Variants in SGCD observed in about 807,000 individuals in gnomAD.
SGCD encodes the protein delta-sarcoglycan.
SGCD carries 18 observed loss-of-function variants against 36.6 expected under a neutral mutation model. The observed-to-expected ratio is 0.49, with a 90% CI of 0.34 to 0.73. The LOEUF (loss-of-function observed/expected upper bound fraction) is 0.73, where lower values mean the gene tolerates loss of function less well. Among genes scored for constraint, SGCD ranks in the 30% least tolerant of loss-of-function variants. The pLI is 0.01. For missense variants in SGCD, 387 were observed against 346.7 expected, an observed-to-expected ratio of 1.12 and a Z score of -0.92; for synonymous variants, 133 against 130.6, an observed-to-expected ratio of 1.02 and a Z score of -0.12.
chr5:156,597,014 G>A (rs1760953574), intron 6 of SGCD, among the ~76,000 whole-genome samples: 1 of 152,094 alleles, frequency 6.6e-6, no homozygotes, highest in South Asian at 2.1e-4. Context: ...GGGGCTTAAT[G>A]GAGGCAAAAA....
At chr5:156,506,983 A>G (rs142339800) in intron 3 of SGCD, among the ~76,000 whole-genome samples, 2 of 152,328 alleles carry the variant, frequency 1.3e-5, no homozygotes, top group East Asian at 1.9e-4. Context: ...GGCAAAGACT[A>G]CATTGGCTGA....
At chr5:156,263,850 T>A (rs550584418) in intron 3 of SGCD, among the ~76,000 whole-genome samples, 2 of 152,264 alleles carry the variant, frequency 1.3e-5, no homozygotes, top group African/African-American at 4.8e-5. Flanking sequence ...GAGTAGGATG[T>A]CCTTTTTCCA....
chr5:156,377,138 T>C (rs1467901418), intron 3 of SGCD, among the ~76,000 whole-genome samples: 5 of 152,202 alleles, frequency 3.3e-5, no homozygotes, highest in African/African-American at 1.2e-4. Flanking sequence ...ATGAGGATAA[T>C]GAACTTAATA....
the SGCD span, among the ~76,000 whole-genome samples, chr5:155,819,742 A>G: frequency 1.3e-5 from 2 of 152,144 alleles, no homozygotes; most frequent in South Asian, 4.1e-4. Context: ...CCGGAGAGAA[A>G]CATCTGTAGA....
chr5:155,856,626 A>C, the SGCD span, among the ~76,000 whole-genome samples: 1 of 152,204 alleles, frequency 6.6e-6, no homozygotes, highest in Non-Finnish European at 1.5e-5. Flanking sequence ...TTTATAGAAT[A>C]TATAAAAATT....
At chr5:155,984,912 G>A (rs1415113462) in intron 1 of SGCD, among the ~76,000 whole-genome samples, 1 of 152,186 alleles carries the variant, frequency 6.6e-6, no homozygotes, top group East Asian at 1.9e-4. Flanking sequence ...AAACACACAG[G>A]AGCAGATCCT....
intron 3 of SGCD, among the ~76,000 whole-genome samples, chr5:156,478,622 C>T (rs188184217): frequency 4.6e-5 from 7 of 152,170 alleles, no homozygotes; most frequent in African/African-American, 1.7e-4. Context: ...GCTGTGTCTC[C>T]CAGGCTGGAG....
chr5:156,646,169 T>C (rs1763217190), intron 6 of SGCD, among the ~76,000 whole-genome samples: 1 of 152,026 alleles, frequency 6.6e-6, no homozygotes, highest in Non-Finnish European at 1.5e-5. Flanking sequence ...AATCAAAGGG[T>C]ATTTGGTTGG....
rs138217592 is a variant in SGCD, at chr5:156,379,527, T to C, written c.192+34850T>C. 1.7e-3 allele frequency among the ~76,000 whole-genome samples: 259 copies of C among 152,216 alleles called. 1 individual carries two copies. Among genetic ancestry groups the C allele is most frequent in the Middle Eastern group, 6.8e-3 (2 of 294 alleles). Reference sequence around the variant, plus strand: ...GAGTAGTAGGGACTAGATCATGGAGTGTCTGTAAATCAGAACAAGTTTGGA... The same window carrying C: ...GAGTAGTAGGGACTAGATCATGGAGCGTCTGTAAATCAGAACAAGTTTGGA... On this transcript the variant is annotated intron_variant, in intron 3 of 8. Transcript: ENST00000337851.
the SGCD span, among the ~76,000 whole-genome samples, chr5:155,786,122 A>G: frequency 6.6e-6 from 1 of 152,158 alleles, no homozygotes; most frequent in Non-Finnish European, 1.5e-5. Flanking sequence ...GCTTTTTGGA[A>G]CAAAATTCAG....
At chr5:156,350,387 C>T (rs1001513473) in intron 3 of SGCD, among the ~76,000 whole-genome samples, 10 of 151,432 alleles carry the variant, frequency 6.6e-5, no homozygotes, top group African/African-American at 2.2e-4. Context: ...TGTGTAATGA[C>T]GAACTATAAG....
intron 4 of SGCD, among the ~76,000 whole-genome samples, chr5:156,530,256 T>C (rs1023079223): frequency 2.0e-5 from 3 of 152,036 alleles, no homozygotes; most frequent in Non-Finnish European, 4.4e-5. Context: ...GTTTTAGCCC[T>C]CAGTTAAAGC....
chr5:156,179,921 G>C (rs2127626403), intron 3 of SGCD, among the ~76,000 whole-genome samples: 1 of 152,076 alleles, frequency 6.6e-6, no homozygotes, highest in Non-Finnish European at 1.5e-5. Context: ...ACAGCACCTG[G>C]ACCCAACTTT....
At chr5:156,164,040 A>AG (rs1763154488) in intron 3 of SGCD, among the ~76,000 whole-genome samples, 1 of 150,880 alleles carries the variant, frequency 6.6e-6, no homozygotes, top group South Asian at 2.1e-4. Context: ...AAAAAAAAAA[A>AG]AGAAATCATT....
upstream of SGCD, among the ~76,000 whole-genome samples, chr5:155,868,932 G>A (rs1170792267): frequency 6.6e-6 from 1 of 152,164 alleles, no homozygotes; most frequent in African/African-American, 2.4e-5. Flanking sequence ...AATTATTATA[G>A]AGACTATTAT....
chr5:156,723,225 G>T (rs1389101165), intron 7 of SGCD, among the ~76,000 whole-genome samples: 1 of 152,164 alleles, frequency 6.6e-6, no homozygotes, highest in South Asian at 2.1e-4. Flanking sequence ...GTAAAATGAG[G>T]GAGAGTTGCT....
At chr5:156,607,754 T>C (rs1386114771) in intron 6 of SGCD, among the ~76,000 whole-genome samples, 10 of 152,236 alleles carry the variant, frequency 6.6e-5, no homozygotes, top group Non-Finnish European at 1.0e-4. Flanking sequence ...AGATTCAACT[T>C]CTTCCTGGTT....
the SGCD span, among the ~76,000 whole-genome samples, chr5:155,793,135 A>G: frequency 1.3e-5 from 2 of 152,210 alleles, no homozygotes; most frequent in Non-Finnish European, 2.9e-5. Context: ...CCATTATCCT[A>G]AGGAAATTAA....
At chr5:156,199,410 T>C (rs536093778) in intron 3 of SGCD, among the ~76,000 whole-genome samples, 2 of 151,984 alleles carry the variant, frequency 1.3e-5, no homozygotes, top group East Asian at 1.9e-4. Flanking sequence ...CAATCAGGCA[T>C]GCAAGGCCCT....
Sources: allele counts gnomAD v4.1 joint callset (sites outside exome capture counted in the v4.1 genomes callset), GRCh38; gene constraint gnomAD v4.1.1; transcripts MANE v1.5; gene names NCBI Gene and HGNC (gene_info 2026-07-23, HGNC 2026-07-21).